The following SH3RF3 variants were observed in gnomAD, a reference collection of about 807,000 sequenced individuals.
SH3RF3 encodes SH3 domain containing ring finger 3.
A neutral mutation model predicts 66.3 loss-of-function variants in SH3RF3; 29 were observed. That is an observed-to-expected ratio of 0.44 (90% CI 0.33 to 0.60). The LOEUF (loss-of-function observed/expected upper bound fraction) is 0.60, where lower values mean the gene tolerates loss of function less well. Ranked by LOEUF, SH3RF3 falls within the 20% of genes least tolerant of loss-of-function variation. SH3RF3 has a pLI of 0.04. For missense variants in SH3RF3, 1,194 were observed against 1,190.9 expected, an observed-to-expected ratio of 1.00 and a Z score of -0.04; for synonymous variants, 583 against 532.0, an observed-to-expected ratio of 1.10 and a Z score of -1.32.
At chr2:109,377,864 C>T (rs1182814496) in intron 3 of SH3RF3, among the ~76,000 whole-genome samples, 1 of 152,232 alleles carries the variant, frequency 6.6e-6, no homozygotes, top group African/African-American at 2.4e-5. Context: ...TTTTGAACCT[C>T]TGCCTCTTAA....
chr2:109,307,259 T>C (rs1197902613), intron 1 of SH3RF3, among the ~76,000 whole-genome samples: 1 of 152,194 alleles, frequency 6.6e-6, no homozygotes, highest in Non-Finnish European at 1.5e-5. Context: ...TGTAGCCACA[T>C]TGATTTAATT....
chr2:109,287,771 T>G (rs942497041), intron 1 of SH3RF3, among the ~76,000 whole-genome samples: 1 of 152,170 alleles, frequency 6.6e-6, no homozygotes, highest in African/African-American at 2.4e-5. Flanking sequence ...GCCCTTCCCT[T>G]TCAGGCCTCA....
At chr2:109,248,465 T>G (rs1679972621) in intron 1 of SH3RF3, among the ~76,000 whole-genome samples, 1 of 152,242 alleles carries the variant, frequency 6.6e-6, no homozygotes, top group Non-Finnish European at 1.5e-5. Flanking sequence ...ATTTTCTCAC[T>G]GCATCAAAGT....
chr2:109,421,334 C>G (rs940360163), intron 5 of SH3RF3, among the ~76,000 whole-genome samples: 13 of 152,222 alleles, frequency 8.5e-5, no homozygotes, highest in African/African-American at 3.1e-4. Context: ...TACACAGGCT[C>G]TCAGTAGCTG....
At chr2:109,435,769 G>T (rs1677381675) in intron 6 of SH3RF3, among the ~76,000 whole-genome samples, 1 of 152,240 alleles carries the variant, frequency 6.6e-6, no homozygotes, top group Non-Finnish European at 1.5e-5. Context: ...ACTTTATTTA[G>T]TTTTTAAAAA....
intron 1 of SH3RF3, among the ~76,000 whole-genome samples, chr2:109,218,846 C>T (rs1679160806): frequency 6.6e-6 from 1 of 152,058 alleles, no homozygotes; most frequent in Non-Finnish European, 1.5e-5. Context: ...AACACACACA[C>T]AAACACACAA....
chr2:109,429,208 G>T (rs905189785), intron 5 of SH3RF3, among the ~76,000 whole-genome samples: 1 of 152,174 alleles, frequency 6.6e-6, no homozygotes, highest in Non-Finnish European at 1.5e-5. Context: ...GACAGCAGAT[G>T]CAGTTGACCC....
intron 7 of SH3RF3, among the ~76,000 whole-genome samples, chr2:109,439,977 A>G (rs1286603832): frequency 2.6e-5 from 4 of 152,178 alleles, no homozygotes; most frequent in Non-Finnish European, 4.4e-5. Flanking sequence ...GCATATGGAA[A>G]GTTTTCAAGA....
At chr2:109,456,246 G>C (rs1678053948) in intron 8 of SH3RF3, among the ~76,000 whole-genome samples, 1 of 152,222 alleles carries the variant, frequency 6.6e-6, no homozygotes, top group African/African-American at 2.4e-5. Context: ...AGGGGTCGCA[G>C]AGTCAGCCCC....
intron 1 of SH3RF3, among the ~76,000 whole-genome samples, chr2:109,209,871 T>C (rs991686598): frequency 1.3e-5 from 2 of 152,214 alleles, no homozygotes; most frequent in African/African-American, 4.8e-5. Context: ...TTTTTAAGTC[T>C]ACAGTTCAGT....
intron 1 of SH3RF3, among the ~76,000 whole-genome samples, chr2:109,235,360 A>G (rs370227062): frequency 7.7e-4 from 117 of 152,278 alleles, no homozygotes; most frequent in Admixed American, 2.5e-3. Flanking sequence ...GCCACTAAAG[A>G]GACCAGTTTG....
At chr2:109,474,617 G>A (rs569277253) in intron 8 of SH3RF3, among the ~76,000 whole-genome samples, 100 of 152,324 alleles carry the variant, frequency 6.6e-4, no homozygotes, top group African/African-American at 2.4e-3. Context: ...GGCAGGGGGG[G>A]AGAACGCAGG....
intron 1 of SH3RF3, among the ~76,000 whole-genome samples, chr2:109,206,794 T>G (rs1344529060): frequency 2.0e-5 from 3 of 152,156 alleles, no homozygotes; most frequent in African/African-American, 7.2e-5. Flanking sequence ...CCAGCCTGGG[T>G]GACAAGAGAG....
chr2:109,255,568 G>T (rs140575087), intron 1 of SH3RF3, among the ~76,000 whole-genome samples: 1 of 152,318 alleles, frequency 6.6e-6, no homozygotes, highest in African/African-American at 2.4e-5. Flanking sequence ...CACCAAGGTT[G>T]CTATCACCTC....
intron 1 of SH3RF3, among the ~76,000 whole-genome samples, chr2:109,260,039 G>A (rs1680312807): frequency 6.6e-6 from 1 of 152,072 alleles, no homozygotes; most frequent in African/African-American, 2.4e-5. Flanking sequence ...TAATTTTTTT[G>A]GTGGAGGGTT....
chr2:109,389,593 G>A (rs967471996), intron 3 of SH3RF3, among the ~76,000 whole-genome samples: 3 of 152,026 alleles, frequency 2.0e-5, no homozygotes, highest in Non-Finnish European at 4.4e-5. Context: ...TCCAAGGTAG[G>A]GTGCATGCCA....
chr2:109,484,547 C>T (rs1332411793), intron 8 of SH3RF3, among the ~76,000 whole-genome samples: 2 of 152,168 alleles, frequency 1.3e-5, no homozygotes, highest in African/African-American at 4.8e-5. Flanking sequence ...GAGGCCCGCC[C>T]CCTCCTGTGG....
At chr2:109,204,776 A>G (rs572744899) in intron 1 of SH3RF3, among the ~76,000 whole-genome samples, 89 of 152,292 alleles carry the variant, frequency 5.8e-4, no homozygotes, top group African/African-American at 2.1e-3. Flanking sequence ...CCTGCATTCT[A>G]GATTTATTGG....
chr2:109,196,158 C>G (rs1678494569), intron 1 of SH3RF3, among the ~76,000 whole-genome samples: 1 of 152,254 alleles, frequency 6.6e-6, no homozygotes, highest in Middle Eastern at 3.2e-3. Flanking sequence ...GGTCACATGG[C>G]TGGTTGGCCA....
Sources: allele counts gnomAD v4.1 joint callset (sites outside exome capture counted in the v4.1 genomes callset), GRCh38; gene constraint gnomAD v4.1.1; transcripts MANE v1.5; gene names NCBI Gene and HGNC (gene_info 2026-07-23, HGNC 2026-07-21).